The following C9orf85 variants were observed in gnomAD, a reference collection of about 807,000 sequenced individuals.
C9orf85 encodes the protein uncharacterized protein C9orf85.
C9orf85 carries 16 observed loss-of-function variants against 14.9 expected under a neutral mutation model. The observed-to-expected ratio is 1.08, with a 90% CI of 0.73 to 1.63. The LOEUF is 1.63. Among genes scored for constraint, C9orf85 ranks in the 40% most tolerant of loss-of-function variants. C9orf85 has a pLI of 0.00. For missense variants in C9orf85, 172 were observed against 186.1 expected, an observed-to-expected ratio of 0.92 and a Z score of 0.44; for synonymous variants, 45 against 56.8, an observed-to-expected ratio of 0.79 and a Z score of 0.93.
At chr9:71,970,768 A>T (rs1822837883) in intron 2 of C9orf85, among the ~76,000 whole-genome samples, 1 of 151,892 alleles carries the variant, frequency 6.6e-6, no homozygotes, top group Admixed American at 6.6e-5. Flanking sequence ...TAGAGAGTTC[A>T]TTGAGTCTGT....
chr9:71,914,962 G>T (rs7046067), intron 1 of C9orf85, among the ~76,000 whole-genome samples: 4,075 of 152,196 alleles, frequency 0.027, 192 homozygotes, highest in African/African-American at 0.093. Context: ...GATCAAGGCA[G>T]CCTTCTTTCC....
chr9:71,946,673 A>G (rs192464997), intron 1 of C9orf85, among the ~76,000 whole-genome samples: 482 of 152,040 alleles, frequency 3.2e-3, no homozygotes, highest in African/African-American at 0.011. Context: ...CGCGCCTGTA[A>G]TCCCAGCTAC....
chr9:71,938,706 C>G (rs1828253917), intron 1 of C9orf85, among the ~76,000 whole-genome samples: 1 of 151,644 alleles, frequency 6.6e-6, no homozygotes, highest in African/African-American at 2.4e-5. Context: ...TATTTTCTTA[C>G]AATGTTGTTC....
intron 1 of C9orf85, among the ~76,000 whole-genome samples, chr9:71,921,605 A>G (rs1309514085): frequency 1.3e-5 from 2 of 152,206 alleles, no homozygotes; most frequent in Non-Finnish European, 2.9e-5. Context: ...ACCAAACTGT[A>G]TCCCAACCAG....
chr9:71,959,961 G>C (rs1048145304), intron 2 of C9orf85, among the ~76,000 whole-genome samples: 3 of 152,236 alleles, frequency 2.0e-5, no homozygotes, highest in Non-Finnish European at 4.4e-5. Flanking sequence ...TGTGTTGTAT[G>C]TCAAAAGAAG....
intron 2 of C9orf85, among the ~76,000 whole-genome samples, chr9:71,951,376 G>A (rs781229122): frequency 2.0e-5 from 3 of 152,188 alleles, no homozygotes; most frequent in Non-Finnish European, 2.9e-5. Context: ...GTCCTTTGAC[G>A]TAATGAGATA....
intron 1 of C9orf85, among the ~76,000 whole-genome samples, chr9:71,935,628 G>C (rs546696001): frequency 1.4e-5 from 2 of 138,592 alleles, no homozygotes; most frequent in Admixed American, 1.4e-4. Context: ...CCTGCCCCCC[G>C]ACCCAAAAAA....
chr9:71,926,130 A>C (rs1240883639), intron 1 of C9orf85, among the ~76,000 whole-genome samples: 2 of 152,250 alleles, frequency 1.3e-5, no homozygotes, highest in Admixed American at 1.3e-4. Context: ...GGATTGTATA[A>C]TTAATATCTG....
At chr9:71,940,255 A>G (rs776460574) in intron 1 of C9orf85, among the ~76,000 whole-genome samples, 1 of 152,122 alleles carries the variant, frequency 6.6e-6, no homozygotes, top group Non-Finnish European at 1.5e-5. Context: ...AAAGATTTGA[A>G]TAGACACTTA....
intron 1 of C9orf85, among the ~76,000 whole-genome samples, chr9:71,945,666 A>G (rs988345035): frequency 6.6e-6 from 1 of 152,362 alleles, no homozygotes; most frequent in East Asian, 1.9e-4. Flanking sequence ...AGAACTTTCA[A>G]GAATATCAAG....
At chr9:71,969,666 AG>A in intron 2 of C9orf85, among the ~76,000 whole-genome samples, 1 of 152,244 alleles carries the variant, frequency 6.6e-6, no homozygotes, top group Non-Finnish European at 1.5e-5. Flanking sequence ...TAAAGGTAAA[AG>A]TTTAGATAAC....
At chr9:71,942,211 C>T (rs1375086121) in intron 1 of C9orf85, among the ~76,000 whole-genome samples, 1 of 152,136 alleles carries the variant, frequency 6.6e-6, no homozygotes, top group Non-Finnish European at 1.5e-5. Context: ...ACATTGAGAA[C>T]CAGGATAGAA....
intron 1 of C9orf85, among the ~76,000 whole-genome samples, chr9:71,931,767 A>G (rs948106504): frequency 2.0e-5 from 3 of 152,354 alleles, no homozygotes; most frequent in Admixed American, 2.0e-4. Context: ...CTTGTCAGCG[A>G]TTTATTATTT....
intron 1 of C9orf85, among the ~76,000 whole-genome samples, chr9:71,932,642 C>A (rs921119180): frequency 6.6e-6 from 1 of 151,878 alleles, no homozygotes; most frequent in Non-Finnish European, 1.5e-5. Context: ...AGAAGCAAAC[C>A]CTGGGGAAAG....
chr9:71,967,538 C>T (rs1822725943), intron 2 of C9orf85, among the ~76,000 whole-genome samples: 1 of 152,072 alleles, frequency 6.6e-6, no homozygotes, highest in Admixed American at 6.6e-5. Context: ...TTGCTAGAAA[C>T]ATAAAAATAC....
chr9:71,983,609 C>T (rs1823148357), downstream of C9orf85: 2 of 152,220 alleles, frequency 1.3e-5, no homozygotes, highest in Admixed American at 1.3e-4. Context: ...CGCCTGGGCA[C>T]ATACTGCATC....
chr9:71,916,358 T>C (rs1827650143), intron 1 of C9orf85, among the ~76,000 whole-genome samples: 1 of 152,182 alleles, frequency 6.6e-6, no homozygotes, highest in Non-Finnish European at 1.5e-5. Context: ...AGGTCATGTA[T>C]CTTCTTCATA....
At chr9:71,939,931 T>C (rs1336529065) in intron 1 of C9orf85, among the ~76,000 whole-genome samples, 1 of 152,138 alleles carries the variant, frequency 6.6e-6, no homozygotes, top group Non-Finnish European at 1.5e-5. Flanking sequence ...AAAAATTAAC[T>C]CAAAATAGAT....
At chr9:71,918,524 A>C (rs1328732285) in intron 1 of C9orf85, 2 of 1,014,464 alleles carry the variant, frequency 2.0e-6, no homozygotes, top group Non-Finnish European at 2.7e-6. Flanking sequence ...GCCTGTCAGG[A>C]ACTGGGCCAC....
Sources: allele counts gnomAD v4.1 joint callset (sites outside exome capture counted in the v4.1 genomes callset), GRCh38; gene constraint gnomAD v4.1.1; transcripts MANE v1.5; gene names NCBI Gene and HGNC (gene_info 2026-07-23, HGNC 2026-07-21).